The following BLTP1 variants were observed in gnomAD, a reference collection of about 807,000 sequenced individuals.
BLTP1 encodes the protein bridge-like lipid transfer protein family member 1.
chr4:122,186,220 A>G, the BLTP1 span: 1 of 1,609,910 alleles, frequency 6.2e-7, no homozygotes, highest in Non-Finnish European at 8.5e-7. Flanking sequence ...CGAAAATTGA[A>G]AGGTTCAGTA....
the BLTP1 span, chr4:122,269,679 T>TG: frequency 5.4e-5 from 53 of 985,276 alleles, no homozygotes; most frequent in Non-Finnish European, 6.4e-5. Flanking sequence ...GTATATTAGT[T>TG]TGGGGTTACA....
At chr4:122,320,871 C>T in the BLTP1 span, among the ~76,000 whole-genome samples, 32 of 151,828 alleles carry the variant, frequency 2.1e-4, no homozygotes, top group South Asian at 6.5e-3. Flanking sequence ...TCTCTTTGTT[C>T]CTGTCTTTGT....
At chr4:122,267,051 A>ATTT in the BLTP1 span, 1,316 of 151,490 alleles carry the variant, frequency 8.7e-3, 43 homozygotes, top group Non-Finnish European at 0.01. Context: ...TAAGGAAGTA[A>ATTT]TTTTTTTTTT....
the BLTP1 span, among the ~76,000 whole-genome samples, chr4:122,285,118 G>C: frequency 2.0e-5 from 3 of 152,202 alleles, no homozygotes; most frequent in East Asian, 5.8e-4. Context: ...CTTATTCAGG[G>C]CACCCATGAA....
chr4:122,240,269 A>G, the BLTP1 span: 2 of 1,613,972 alleles, frequency 1.2e-6, no homozygotes, highest in Non-Finnish European at 1.7e-6. Flanking sequence ...CTAAATCCTC[A>G]TTGCATCGTC....
At chr4:122,235,602 A>C in the BLTP1 span, 1 of 294,268 alleles carries the variant, frequency 3.4e-6, no homozygotes, top group Non-Finnish European at 5.0e-6. Flanking sequence ...TCAGGAGATC[A>C]AGACCATCCT....
chr4:122,292,992 A>C, the BLTP1 span: 30 of 772,020 alleles, frequency 3.9e-5, no homozygotes, highest in Non-Finnish European at 4.4e-5. Context: ...TACTTAGTCT[A>C]GTCTCCCTTA....
chr4:122,210,700 CTTTA>C, the BLTP1 span: 4 of 269,662 alleles, frequency 1.5e-5, no homozygotes, highest in African/African-American at 2.3e-5. Flanking sequence ...ATGATTTATT[CTTTA>C]TTTGCTTTCT....
At chr4:122,251,400 G>C in the BLTP1 span, 1 of 898,402 alleles carries the variant, frequency 1.1e-6, no homozygotes, top group Non-Finnish European at 1.3e-6. Flanking sequence ...AGTAATCATG[G>C]GTATACTCAC....
the BLTP1 span, among the ~76,000 whole-genome samples, chr4:122,270,140 G>A: frequency 3.2e-4 from 48 of 151,922 alleles, no homozygotes; most frequent in Non-Finnish European, 6.5e-4. Flanking sequence ...GTGAGTTTAT[G>A]CATTTACATA....
chr4:122,187,532 A>G, the BLTP1 span: 5 of 1,604,290 alleles, frequency 3.1e-6, no homozygotes, highest in Middle Eastern at 1.7e-4. Flanking sequence ...TTCTGCTACA[A>G]TTACTGTTTC....
At chr4:122,304,715 C>T in the BLTP1 span, 59 of 1,540,352 alleles carry the variant, frequency 3.8e-5, no homozygotes, top group Non-Finnish European at 5.2e-5. Context: ...TTTTATTTAT[C>T]ATATACTGAA....
At chr4:122,233,522 C>G in the BLTP1 span, among the ~76,000 whole-genome samples, 2 of 152,114 alleles carry the variant, frequency 1.3e-5, no homozygotes, top group Admixed American at 6.5e-5. Flanking sequence ...TATATAAGTT[C>G]TTTTATTTTG....
the BLTP1 span, chr4:122,244,628 G>A: frequency 3.0e-6 from 3 of 983,702 alleles, no homozygotes; most frequent in African/African-American, 3.5e-5. Context: ...CGGTTGGGAA[G>A]AGAAAAGGGG....
At chr4:122,188,036 G>A in the BLTP1 span, 1 of 1,583,610 alleles carries the variant, frequency 6.3e-7, no homozygotes, top group Non-Finnish European at 8.6e-7. Context: ...GCTTGAAAAT[G>A]TTCGAGTCAT....
the BLTP1 span, among the ~76,000 whole-genome samples, chr4:122,293,695 AAGG>A: frequency 6.6e-6 from 1 of 152,090 alleles, no homozygotes; most frequent in Admixed American, 6.5e-5. Context: ...TTCCCCTAGG[AAGG>A]AGGCTGAATC....
chr4:122,156,820 A>G, the BLTP1 span, among the ~76,000 whole-genome samples: 233 of 152,294 alleles, frequency 1.5e-3, no homozygotes, highest in Non-Finnish European at 2.6e-3. Flanking sequence ...AACAAACTGG[A>G]AAGGATATAA....
the BLTP1 span, chr4:122,337,261 G>A: frequency 2.4e-5 from 11 of 466,112 alleles, no homozygotes; most frequent in Admixed American, 4.3e-5. Flanking sequence ...ACTGAATAGC[G>A]TAAGTCAGTA....
chr4:122,297,601 T>C, the BLTP1 span, among the ~76,000 whole-genome samples: 1 of 152,230 alleles, frequency 6.6e-6, no homozygotes, highest in African/African-American at 2.4e-5. Context: ...TAAAGATACA[T>C]GCATGCGTAT....
Sources: allele counts gnomAD v4.1 joint callset (sites outside exome capture counted in the v4.1 genomes callset), GRCh38; gene constraint gnomAD v4.1.1; transcripts MANE v1.5; gene names NCBI Gene and HGNC (gene_info 2026-07-23, HGNC 2026-07-21).